Variants in CMTM6 observed in about 807,000 individuals in gnomAD.
The protein encoded by CMTM6 is CKLF like MARVEL transmembrane domain containing 6.
A neutral mutation model predicts 13.6 loss-of-function variants in CMTM6; 5 were observed. The ratio of observed to expected loss-of-function variants is 0.37; its 90% CI spans 0.19 to 0.77. The LOEUF (loss-of-function observed/expected upper bound fraction) is 0.77, where lower values mean the gene tolerates loss of function less well. Among genes scored for constraint, CMTM6 ranks in the 30% least tolerant of loss-of-function variants. CMTM6 has a pLI of 0.50. For missense variants in CMTM6, 196 were observed against 218.6 expected (o/e 0.90, Z 0.65); for synonymous variants, 99 against 84.5 (o/e 1.17, Z -0.94).
intron 1 of CMTM6, among the ~76,000 whole-genome samples, chr3:32,497,730 C>T (rs1414389796): frequency 1.3e-5 from 2 of 151,544 alleles, no homozygotes; most frequent in African/African-American, 4.9e-5. Flanking sequence ...TGGTGGTGCA[C>T]GCCTGTAGTC....
chr3:32,484,911 C>G (rs1045055906), intron 3 of CMTM6, among the ~76,000 whole-genome samples: 2 of 152,112 alleles, frequency 1.3e-5, no homozygotes, highest in South Asian at 2.1e-4. Flanking sequence ...CTCCTCCCCC[C>G]TCTAAAGAAT....
chr3:32,498,871 C>T (rs879573141), intron 1 of CMTM6, among the ~76,000 whole-genome samples: 16 of 152,040 alleles, frequency 1.1e-4, no homozygotes, highest in Admixed American at 7.2e-4. Flanking sequence ...AGCCACCGCA[C>T]CCGGCCTCAG....
intron 1 of CMTM6, among the ~76,000 whole-genome samples, chr3:32,500,157 C>T (rs164211): frequency 0.24 from 36,802 of 152,128 alleles, 4,590 homozygotes; most frequent in Non-Finnish European, 0.26. Context: ...AAAACACCTC[C>T]TCTTCTGATT....
chr3:32,483,062 AG>A lies in CMTM6; in HGVS notation c.*897del. On this transcript the variant is annotated 3_prime_UTR_variant, in exon 4 of 4. Transcript: ENST00000205636. Reference sequence around the variant, plus strand: ...TTAGTAAAAATAATCATATGCCAACAGGGGAATTGAACCACTTTCTAAATCA... The same window carrying A: ...TTAGTAAAAATAATCATATGCCAACAGGGAATTGAACCACTTTCTAAATCA... The A allele has an allele frequency of 6.5e-6, 1 of 152,800 alleles. No homozygotes were observed. Among genetic ancestry groups the A allele is most frequent in the East Asian group, 1.9e-4 (1 of 5,194 alleles). 9.5% of individuals were successfully genotyped at this position (152,800 alleles called of 1,614,324 possible).
In CMTM6 at chr3:32,489,391, C is replaced by T. The variant is rs1356848922; in HGVS notation, c.316-1355G>A. 3.3e-5 allele frequency among the ~76,000 whole-genome samples: 5 copies of T among 151,898 alleles called. No homozygotes were observed. The South Asian group carries it at 8.3e-4, about 25-fold the overall frequency. On this transcript the variant is annotated intron_variant, in intron 2 of 3. Coordinates refer to ENST00000205636, the MANE Select transcript of CMTM6 (RefSeq NM_017801.3). ...TCTTGCCGGGCACGGTGGTTCACAC[C>T]TGTAATCCCAGCACTTTGGGAGGCC...
At chr3:32,484,535 T>C (rs1697186435) in intron 3 of CMTM6, among the ~76,000 whole-genome samples, 1 of 152,178 alleles carries the variant, frequency 6.6e-6, no homozygotes, top group South Asian at 2.1e-4. Context: ...AAAACAGAAA[T>C]TCCATTTTGA....
At chr3:32,485,583 G>A (rs1697196458) in intron 3 of CMTM6, among the ~76,000 whole-genome samples, 1 of 152,046 alleles carries the variant, frequency 6.6e-6, no homozygotes, top group African/African-American at 2.4e-5. Flanking sequence ...ATACTCCTCT[G>A]CAACAAAAAT....
intron 1 of CMTM6, among the ~76,000 whole-genome samples, chr3:32,495,410 G>C (rs747196913): frequency 9.2e-5 from 14 of 152,182 alleles, no homozygotes; most frequent in Non-Finnish European, 1.9e-4. Context: ...CTTACAGGAT[G>C]AGTTCTAACA....
At chr3:32,500,841 G>A (rs1319137682) in intron 1 of CMTM6, among the ~76,000 whole-genome samples, 1 of 152,120 alleles carries the variant, frequency 6.6e-6, no homozygotes, top group Non-Finnish European at 1.5e-5. Flanking sequence ...AAAGGCAACT[G>A]AAAACAGGAG....
Position 32,484,058 on chromosome 3 carries a change from A to C in CMTM6, c.454T>G (p.Phe152Val), listed in dbSNP as rs772811067. 1 of 1,608,336 alleles carries C rather than the reference A, an allele frequency of 6.2e-7. No homozygotes were observed. Among genetic ancestry groups the C allele is most frequent in the Non-Finnish European group, 8.5e-7 (1 of 1,178,106 alleles). Residue 152 changes from phenylalanine (F) to valine (V), a missense_variant, in exon 4 of 4, where the codon TTT (phenylalanine) becomes GTT (valine). By Grantham distance (50) the Phe-to-Val change is conservative. Transcript: ENST00000205636. ...CGTTTTTCATACAGCATAGTGATAA[A>C]GTCAAGTAGGAACATAAAACTTGCT... is the stretch of plus-strand genomic sequence containing the variant. Reference protein sequence around the residue: ...FIASFMFLLDFITMLYEKRQE... With the variant: ...FIASFMFLLDVITMLYEKRQE...
intron 1 of CMTM6, among the ~76,000 whole-genome samples, chr3:32,501,594 C>A (rs528373401): frequency 6.6e-6 from 1 of 152,172 alleles, no homozygotes; most frequent in Non-Finnish European, 1.5e-5. Flanking sequence ...TTTTTCTATT[C>A]AATAAAAGTA....
chr3:32,502,072 G>A (rs574711241), intron 1 of CMTM6, among the ~76,000 whole-genome samples: 3 of 152,310 alleles, frequency 2.0e-5, no homozygotes, highest in Non-Finnish European at 4.4e-5. Context: ...TTCTTTTCCA[G>A]TCAATATAAA....
At chr3:32,490,011 C>T (rs1270211028) in intron 2 of CMTM6, among the ~76,000 whole-genome samples, 3 of 152,070 alleles carry the variant, frequency 2.0e-5, no homozygotes, top group East Asian at 3.9e-4. Context: ...TTTGGGAGGC[C>T]GAGGTGGGCG....
intron 2 of CMTM6, among the ~76,000 whole-genome samples, chr3:32,490,090 AC>A (rs1407944792): frequency 1.4e-4 from 22 of 152,308 alleles, no homozygotes; most frequent in South Asian, 6.2e-4. Context: ...TACTAAAAGT[AC>A]AAAAATTTGC....
chr3:32,485,871 A>G (rs961040865), intron 3 of CMTM6, among the ~76,000 whole-genome samples: 2 of 152,176 alleles, frequency 1.3e-5, no homozygotes, highest in African/African-American at 4.8e-5. Context: ...TATTAATTAC[A>G]ACTTCAATTT....
intron 1 of CMTM6, among the ~76,000 whole-genome samples, chr3:32,500,155 T>A (rs902727686): frequency 6.6e-6 from 1 of 152,212 alleles, no homozygotes; most frequent in Non-Finnish European, 1.5e-5. Context: ...TTAAAACACC[T>A]CCTCTTCTGA....
chr3:32,490,356 G>A (rs537632170), intron 2 of CMTM6, among the ~76,000 whole-genome samples: 1 of 152,066 alleles, frequency 6.6e-6, no homozygotes, highest in Non-Finnish European at 1.5e-5. Flanking sequence ...AAACCTAAGT[G>A]TATTAATATG....
At chr3:32,499,060 A>G (rs575893993) in intron 1 of CMTM6, among the ~76,000 whole-genome samples, 1 of 152,326 alleles carries the variant, frequency 6.6e-6, no homozygotes, top group African/African-American at 2.4e-5. Flanking sequence ...AATGAACTTT[A>G]CTATTAAAAA....
At position 32,502,817 on chromosome 3, in the gene CMTM6, T is replaced by C; in HGVS notation, c.-72A>G. The stretch of plus-strand genomic sequence containing the variant: ...CTTCTCGGACTCCAGAAGTCCCCGG[T>C]AGCCGGGAGGCGGCCGTCACTTCCT... On this transcript the variant is annotated 5_prime_UTR_variant, in exon 1 of 4. Coordinates refer to ENST00000205636, the MANE Select transcript of CMTM6 (RefSeq NM_017801.3). The C allele has an allele frequency of 7.4e-7, 1 of 1,353,796 alleles. No individual in the cohort carries two copies. Among genetic ancestry groups the C allele is most frequent in the African/African-American group, 1.5e-5 (1 of 65,152 alleles). The allele number at this position is 1,353,796 out of a possible 1,614,324, so 83.9% of individuals were successfully genotyped here. A position where few individuals can be genotyped will look rare whatever the true frequency, so the allele number is the denominator to read the frequency against.
Sources: allele counts gnomAD v4.1 joint callset (sites outside exome capture counted in the v4.1 genomes callset), GRCh38; gene constraint gnomAD v4.1.1; transcripts MANE v1.5; gene names NCBI Gene and HGNC (gene_info 2026-07-23, HGNC 2026-07-21).